Variants in PRSS23 observed in about 807,000 individuals in gnomAD.
PRSS23 encodes serine protease 23, also known as protease, serine 23.
Under a neutral mutation model 34.7 loss-of-function variants are expected in PRSS23, and 25 were observed. The observed-to-expected ratio is 0.72, with a 90% confidence interval of 0.53 to 1.01. PRSS23 has a LOEUF of 1.01. PRSS23 is among the 50% of genes least tolerant of loss of function. The pLI is 0.00. For missense variants in PRSS23, 445 were observed against 475.6 expected, an observed-to-expected ratio of 0.94 and a Z score of 0.60; for synonymous variants, 176 against 186.6, an observed-to-expected ratio of 0.94 and a Z score of 0.46.
rs114369520 is a variant in PRSS23 at position 86,904,780 on chromosome 11, G to T, written c.207-46436G>T. 4.8e-3 allele frequency among the ~76,000 whole-genome samples: 733 copies of T among 152,182 alleles called. 6 individuals carry two copies. Among genetic ancestry groups the T allele is most frequent in the African/African-American group, 0.017 (709 of 41,498 alleles). On this transcript the variant is annotated intron_variant, in intron 2 of 2. Coordinates refer to the PRSS23 transcript ENST00000533902. ...CTTTACCACTGGGCCAGATATGGTG[G>T]CTCATGCCTGTAATCCCAGAATCTT...
intron 2 of PRSS23, among the ~76,000 whole-genome samples, chr11:86,839,071 AC>A (rs202010857): frequency 0.026 from 3,885 of 151,994 alleles, 68 homozygotes; most frequent in Middle Eastern, 0.061. Context: ...AAAAAAAACA[AC>A]AGAGCGCCTC....
At chr11:86,855,819 C>T (rs1207660294) in intron 2 of PRSS23, among the ~76,000 whole-genome samples, 1 of 152,080 alleles carries the variant, frequency 6.6e-6, no homozygotes, top group Non-Finnish European at 1.5e-5. Context: ...CTTTCTTGTT[C>T]CTACATATAA....
rs1590934766 is a variant in PRSS23 at position 86,934,752 on chromosome 11, A to C, written c.207-16464A>C. 4 of 152,234 alleles carry C rather than the reference A, an allele frequency of 2.6e-5. No homozygotes were observed. In the East Asian group the frequency reaches 7.7e-4, roughly 29 times the overall value. 9.4% of individuals were successfully genotyped at this position (152,234 alleles called of 1,614,324 possible). A position where few individuals can be genotyped will look rare whatever the true frequency, so the allele number is the denominator to read the frequency against. ...CCAGAAGGTCATTCCCAGGTCCCCAAGATAGTGGTGGGTAATCAATCACAT... is the reference window on the plus strand; with the variant it reads ...CCAGAAGGTCATTCCCAGGTCCCCACGATAGTGGTGGGTAATCAATCACAT... On this transcript the variant is annotated intron_variant, in intron 2 of 2. Transcript: ENST00000533902.
At chr11:86,939,426 A>ATATATATATTTTTTTTTT in intron 2 of PRSS23, among the ~76,000 whole-genome samples, 161 of 94,036 alleles carry the variant, frequency 1.7e-3, no homozygotes, top group African/African-American at 2.6e-3. Flanking sequence ...ATATATATAT[A>ATATATATATTTTTTTTTT]TTTTTTAACA....
intron 2 of PRSS23, among the ~76,000 whole-genome samples, chr11:86,927,052 G>T (rs971826180): frequency 6.6e-6 from 1 of 152,126 alleles, no homozygotes; most frequent in Admixed American, 6.5e-5. Flanking sequence ...CCCAGATCAA[G>T]AATTAACAGA....
intron 2 of PRSS23, among the ~76,000 whole-genome samples, chr11:86,890,519 G>A (rs983807392): frequency 1.3e-5 from 2 of 152,186 alleles, no homozygotes; most frequent in African/African-American, 2.4e-5. Context: ...GACCCTGTAT[G>A]GCAGACACAT....
At chr11:86,855,058 G>C (rs377591377) in intron 2 of PRSS23, among the ~76,000 whole-genome samples, 1 of 152,008 alleles carries the variant, frequency 6.6e-6, no homozygotes, top group East Asian at 1.9e-4. Context: ...CCAGCTATTC[G>C]GGAGGCTGAG....
chr11:86,798,786 G>A (rs563995806), upstream of PRSS23, among the ~76,000 whole-genome samples: 7 of 152,244 alleles, frequency 4.6e-5, no homozygotes, highest in African/African-American at 1.7e-4. Context: ...TCCACCTCCT[G>A]GGCTCAAGCC....
intron 2 of PRSS23, among the ~76,000 whole-genome samples, chr11:86,860,719 C>G (rs1375381039): frequency 1.3e-5 from 2 of 151,610 alleles, no homozygotes; most frequent in Non-Finnish European, 2.9e-5. Context: ...TAATATAACC[C>G]CAAATTTGGC....
intron 2 of PRSS23, among the ~76,000 whole-genome samples, chr11:86,870,810 C>T (rs1458036138): frequency 1.3e-5 from 2 of 152,092 alleles, no homozygotes; most frequent in Non-Finnish European, 2.9e-5. Context: ...TGTTCATTTC[C>T]AGTCTTGTAT....
At chr11:86,829,973 C>T (rs554980656) in intron 2 of PRSS23, among the ~76,000 whole-genome samples, 13 of 152,048 alleles carry the variant, frequency 8.5e-5, no homozygotes, top group East Asian at 1.9e-4. Context: ...GTCTGCCCGT[C>T]CTCAGATCTC....
chr11:86,799,663 G>T (rs761197324), upstream of PRSS23, among the ~76,000 whole-genome samples: 2 of 152,136 alleles, frequency 1.3e-5, no homozygotes, highest in Non-Finnish European at 2.9e-5. Flanking sequence ...CTCCAGCCTG[G>T]TTAGGAGAGG....
At chr11:86,936,457 A>C (rs1565391718) in intron 2 of PRSS23, 1 of 152,252 alleles carries the variant, frequency 6.6e-6, no homozygotes, top group South Asian at 2.1e-4. Flanking sequence ...GGTAGAGACA[A>C]GGTTTCTCCA....
At chr11:86,902,815 T>C (rs1403522314) in intron 2 of PRSS23, among the ~76,000 whole-genome samples, 1 of 152,218 alleles carries the variant, frequency 6.6e-6, no homozygotes, top group Non-Finnish European at 1.5e-5. Context: ...TGAAAATGTC[T>C]TCCCTTCTTC....
At chr11:86,927,535 C>T (rs998789427) in intron 2 of PRSS23, among the ~76,000 whole-genome samples, 21 of 151,950 alleles carry the variant, frequency 1.4e-4, no homozygotes, top group Admixed American at 3.3e-4. Flanking sequence ...AAAAATGAGA[C>T]GGGGTATCAC....
intron 2 of PRSS23, among the ~76,000 whole-genome samples, chr11:86,904,866 A>G (rs1291239284): frequency 9.9e-5 from 15 of 151,388 alleles, no homozygotes; most frequent in Non-Finnish European, 2.9e-5. Context: ...TGAGCAACAT[A>G]TTGAGATCCA....
intron 2 of PRSS23, among the ~76,000 whole-genome samples, chr11:86,864,656 G>A (rs927195366): frequency 1.3e-5 from 2 of 150,068 alleles, no homozygotes; most frequent in Non-Finnish European, 1.5e-5. Context: ...ACACTTAGTA[G>A]CTTATGCAAG....
downstream of PRSS23, among the ~76,000 whole-genome samples, chr11:86,813,544 G>A (rs1457440862): frequency 1.3e-5 from 2 of 152,152 alleles, no homozygotes; most frequent in East Asian, 1.9e-4. Context: ...AATCAGGACC[G>A]ACTTATCCAT....
chr11:86,862,325 C>G (rs1017131676), intron 2 of PRSS23, among the ~76,000 whole-genome samples: 1 of 151,532 alleles, frequency 6.6e-6, no homozygotes, highest in Admixed American at 6.6e-5. Context: ...TTATTTGTAT[C>G]ATTTTTAGGG....
Sources: allele counts gnomAD v4.1 joint callset (sites outside exome capture counted in the v4.1 genomes callset), GRCh38; gene constraint gnomAD v4.1.1; transcripts MANE v1.5; gene names NCBI Gene and HGNC (gene_info 2026-07-23, HGNC 2026-07-21).